Variants in SPAG11A observed in about 807,000 individuals in gnomAD.
SPAG11A encodes the protein sperm associated antigen 11A.
SPAG11A carries 2 observed loss-of-function variants against 5.5 expected under a neutral mutation model. That is an observed-to-expected ratio of 0.37 (90% CI 0.15 to 1.15). The LOEUF (loss-of-function observed/expected upper bound fraction) is 1.15. Ranked by LOEUF, SPAG11A falls within the 50% of genes most tolerant of loss-of-function variation. The pLI, the probability that SPAG11A is intolerant of heterozygous loss-of-function variation, is 0.38. For missense variants in SPAG11A, 24 were observed against 122.5 expected (o/e 0.20, Z 3.80); for synonymous variants, 11 against 42.7 (o/e 0.26, Z 2.90).
Position 7,860,040 on chromosome 8 carries a change from T to C in SPAG11A, c.215-606T>C, listed in dbSNP as rs1200769165. On this transcript the variant is annotated intron_variant, in intron 2 of 2. Transcript: ENST00000642566. ...TGTGCTGTTGTTGTTGTTGCTGCTGTTGTTGCTGCTGTTTAAAGTCATCGT... is the reference window on the plus strand; with the variant it reads ...TGTGCTGTTGTTGTTGTTGCTGCTGCTGTTGCTGCTGTTTAAAGTCATCGT... Among the ~76,000 whole-genome samples the C allele has an allele frequency of 4.6e-5, 7 of 150,800 alleles. No individual in the cohort carries two copies. In the East Asian group the frequency reaches 1.4e-3, roughly 30 times the overall value.
chr8:7,852,047 A>G (rs1312193416), intron 2 of SPAG11A, among the ~76,000 whole-genome samples: 1 of 127,252 alleles, frequency 7.9e-6, no homozygotes. Context: ...CTGTTTTCAC[A>G]TGAATATTTT....
downstream of SPAG11A, among the ~76,000 whole-genome samples, chr8:7,861,699 T>A (rs549979414): frequency 7.7e-6 from 1 of 130,680 alleles, no homozygotes; most frequent in African/African-American, 2.6e-5. Flanking sequence ...AGAGACCACA[T>A]GCCAAGCTTT....
rs556478382 is a variant in SPAG11A at position 7,858,232 on chromosome 8, G to A, written c.215-2414G>A. On this transcript the variant is annotated intron_variant, in intron 2 of 2. Coordinates refer to ENST00000642566, the Ensembl canonical transcript of SPAG11A. ...AAGGGAAATAAATCTAAGTGATCCT[G>A]GGACTAAAATCAAATAGGGGCAAAA... Among the ~76,000 whole-genome samples, 89 of 112,408 alleles carry A rather than the reference G, an allele frequency of 7.9e-4. 4 individuals are homozygous for A. Among genetic ancestry groups the A allele is most frequent in the African/African-American group, 2.2e-3 (81 of 37,510 alleles). 73.7% of individuals were successfully genotyped at this position (112,408 alleles called of 152,430 possible).
Position 7,860,667 on chromosome 8 carries a change from G to A in SPAG11A, c.236G>A (p.Arg79Lys), listed in dbSNP as rs775284324. 219 of 1,519,534 alleles carry A rather than the reference G, an allele frequency of 1.4e-4. 22 individuals are homozygous for A. The highest frequency in any genetic ancestry group is 7.0e-4 in the Middle Eastern group (4 of 5,698). 94.1% of individuals were successfully genotyped at this position (1,519,534 alleles called of 1,614,324 possible). The stretch of plus-strand genomic sequence containing the variant: ...ATAGGGGATGTTCCACTGGGAATTA[G>A]AAATACCATCTGCCGTATGCAGCAA... The change falls in exon 3 of 3, where the codon AGA (arginine) becomes AAA (lysine). Residue 79 changes from arginine to lysine, a missense_variant. By Grantham distance (26) the Arg-to-Lys change is conservative (BLOSUM62 2). Coordinates refer to ENST00000642566, the Ensembl canonical transcript of SPAG11A.
chr8:7,858,831 T>A (rs368160009), intron 2 of SPAG11A, among the ~76,000 whole-genome samples: 14 of 19,146 alleles, frequency 7.3e-4, no homozygotes, highest in East Asian at 5.1e-3. Context: ...AAGCTAATTA[T>A]CTGCTCAACT....
chr8:7,860,663 A>C (rs375918582), exon 3 of SPAG11A: 5 of 1,511,198 alleles, frequency 3.3e-6, no homozygotes, highest in East Asian at 3.0e-5. Context: ...TCCACTGGGA[A>C]TTAGAAATAC....
rs558808862 is a variant in SPAG11A at position 7,858,211 on chromosome 8, G to A, written c.215-2435G>A. Among the ~76,000 whole-genome samples the A allele has an allele frequency of 6.8e-3, 721 of 106,782 alleles. 130 individuals are homozygous for A. Among genetic ancestry groups the A allele is most frequent in the Non-Finnish European group, 0.012 (513 of 43,698 alleles). The allele number at this position is 106,782 out of a possible 152,430, so 70.1% of individuals were successfully genotyped here. On this transcript the variant is annotated intron_variant, in intron 2 of 2. Transcript: ENST00000642566. Reference sequence around the variant, plus strand: ...CCTTTTGCTTAAGAGAATTTTAAGGGAAATAAATCTAAGTGATCCTGGGAC... The same window carrying A: ...CCTTTTGCTTAAGAGAATTTTAAGGAAAATAAATCTAAGTGATCCTGGGAC...
chr8:7,852,442 C>T (rs1160889236), intron 2 of SPAG11A, among the ~76,000 whole-genome samples: 5 of 152,312 alleles, frequency 3.3e-5, no homozygotes, highest in Non-Finnish European at 7.4e-5. Flanking sequence ...AAGCAATTCT[C>T]CTGCCTCAGC....
At chr8:7,852,593 G>A (rs1347230151) in intron 2 of SPAG11A, among the ~76,000 whole-genome samples, 3 of 151,104 alleles carry the variant, frequency 2.0e-5, no homozygotes, top group South Asian at 2.1e-4. Context: ...TCGGCCTCCC[G>A]AAGTGCTGGA....
At chr8:7,858,789 G>T (rs1246971016) in intron 2 of SPAG11A, among the ~76,000 whole-genome samples, 20 of 23,898 alleles carry the variant, frequency 8.4e-4, no homozygotes, top group African/African-American at 1.5e-3. Context: ...CTATGTTTCT[G>T]TTGGTAGATG....
At chr8:7,852,012 G>C (rs1251121032) in intron 2 of SPAG11A, among the ~76,000 whole-genome samples, 1 of 121,728 alleles carries the variant, frequency 8.2e-6, no homozygotes, top group East Asian at 2.1e-4. Context: ...GGATTGTGCG[G>C]GGAGTGTGTC....
At chr8:7,863,212 G>GGTTTTTTTTTTTTTTTTT (rs1264249027), downstream of SPAG11A, among the ~76,000 whole-genome samples, 1 of 9,394 alleles carries the variant, frequency 1.1e-4, no homozygotes, top group Admixed American at 2.2e-3. Context: ...CTGCAGATGG[G>GGTTTTTTTTTTTTTTTTT]ATTTTTTTTT....
chr8:7,860,098 T>G (rs1466904449), intron 2 of SPAG11A, among the ~76,000 whole-genome samples: 4 of 149,856 alleles, frequency 2.7e-5, no homozygotes, highest in African/African-American at 4.9e-5. Flanking sequence ...ATAAGTAAGA[T>G]CTTTCTTTCA....
In SPAG11A at chr8:7,858,675, G is replaced by A. The variant is rs1275684949; in HGVS notation, c.215-1971G>A. On this transcript the variant is annotated intron_variant, in intron 2 of 2. Coordinates refer to ENST00000642566, the Ensembl canonical transcript of SPAG11A. ...TCTTGTTGTGGTGTGGAAATACATT[G>A]TGTTTTGTTGTTGTCATAATACACT... Among the ~76,000 whole-genome samples the A allele has an allele frequency of 4.2e-3, 250 of 59,954 alleles. 7 individuals are homozygous for A. Among genetic ancestry groups the A allele is most frequent in the African/African-American group, 9.6e-3 (240 of 25,118 alleles). The allele number at this position is 59,954 out of a possible 152,430, so 39.3% of individuals were successfully genotyped here. A position where few individuals can be genotyped will look rare whatever the true frequency, so the allele number is the denominator to read the frequency against.
At chr8:7,860,511 G>T (rs1288720836) in intron 2 of SPAG11A, 135 bp from the exon 3 acceptor site, 6 of 1,354,180 alleles carry the variant, frequency 4.4e-6, no homozygotes, top group African/African-American at 1.4e-5. Context: ...AGAGGCCAAA[G>T]TTCGGTTAAA....
At chr8:7,852,319 T>G (rs1284291165) in intron 2 of SPAG11A, among the ~76,000 whole-genome samples, 3 of 152,228 alleles carry the variant, frequency 2.0e-5, no homozygotes, top group Non-Finnish European at 2.9e-5. Flanking sequence ...TTCTCTTTTT[T>G]CTTTTTTTTT....
chr8:7,861,108 C>T (rs956943063), downstream of SPAG11A: 4 of 340,218 alleles, frequency 1.2e-5, no homozygotes, highest in South Asian at 2.2e-4. Context: ...GAGCTCCAAA[C>T]TGATTTTCAG....
At chr8:7,852,673 T>C (rs1817979232) in intron 2 of SPAG11A, among the ~76,000 whole-genome samples, 1 of 151,324 alleles carries the variant, frequency 6.6e-6, no homozygotes, top group African/African-American at 2.4e-5. Context: ...TGTGCTCCTT[T>C]TATATCTAAC....
At chr8:7,852,852 TTCTA>T (rs1390922466) in intron 2 of SPAG11A, among the ~76,000 whole-genome samples, 7 of 28,278 alleles carry the variant, frequency 2.5e-4, no homozygotes, top group African/African-American at 4.2e-4. Context: ...TGTAGAGCCC[TTCTA>T]TTTTTTTTTT....
Sources: gnomAD v4.1 joint callset for allele counts (sites outside exome capture counted in the v4.1 genomes callset) on GRCh38, gnomAD v4.1.1 for gene constraint, MANE v1.5 for transcripts, NCBI Gene and HGNC (gene_info 2026-07-23, HGNC 2026-07-21) for gene names.